DOCK10: variants seen among roughly 807,000 people sequenced by gnomAD.
DOCK10 encodes dedicator of cytokinesis 10, also known as dedicator of cytokinesis protein 10.
A neutral mutation model predicts 280.1 loss-of-function variants in DOCK10; 145 were observed. The ratio of observed to expected loss-of-function variants is 0.52; its 90% CI spans 0.45 to 0.59. The LOEUF is 0.59. DOCK10 is among the 20% of genes least tolerant of loss of function. DOCK10 has a pLI of 0.00. For missense variants in DOCK10, 2,368 were observed against 2,651.7 expected, an observed-to-expected ratio of 0.89 and a Z score of 2.35; for synonymous variants, 915 against 942.2, an observed-to-expected ratio of 0.97 and a Z score of 0.53.
chr2:224,931,135 A>G (rs4674950), intron 2 of DOCK10, among the ~76,000 whole-genome samples: 1,581 of 152,274 alleles, frequency 0.01, 32 homozygotes, highest in African/African-American at 0.036. Flanking sequence ...ATTAAGGGTG[A>G]TTTTTAAGAA....
intron 15 of DOCK10, 22 bp from the exon 16 acceptor site, chr2:224,855,064 GACACACACACACACACACACACACAC>G: frequency 1.7e-6 from 1 of 574,246 alleles, no homozygotes; most frequent in Non-Finnish European, 3.0e-6. Flanking sequence ...CATGAGCAAG[GACACACACACACACACACACACACAC>G]ACACACACAC....
In DOCK10 at chr2:224,770,586, C is replaced by T. The variant is rs753694327; in HGVS notation, c.6264G>A (p.Lys2088=). The change falls in exon 54 of 56, where the codon AAG becomes AAA. Residue 2088 remains lysine, a synonymous_variant. Coordinates refer to ENST00000258390, the MANE Select transcript of DOCK10 (RefSeq NM_014689.3). This position sits in a 1 kb window ranked among gnomAD's most constrained non-coding sequence, Gnocchi z 4.5. ...AAAGCTTTACTTGGTTGTCAGGGTA[C>T]TTCTTTGCATTGGTTTCTTCAAGAA... ...RAFLEETNAK[K]YPDNQVKLLK... The T allele has an allele frequency of 7.4e-6, 12 of 1,614,010 alleles. No individual in the cohort carries two copies. The highest frequency in any genetic ancestry group is 8.5e-6 in the Non-Finnish European group (10 of 1,179,864).
rs933036714 is a variant in DOCK10, at chr2:224,801,782, G to C, written c.4393+134C>G. ...CATTTTTTTTTAACCACTCCCTGGT[G>C]AGTCTTTCCCTTAAGAAATATTCCC... On this transcript the variant is annotated intron_variant, in intron 40 of 55. Coordinates refer to ENST00000258390, the MANE Select transcript of DOCK10 (RefSeq NM_014689.3). 5 of 973,620 alleles carry C rather than the reference G, an allele frequency of 5.1e-6. No homozygotes were observed. The Admixed American group carries it at 1.2e-4, about 23-fold the overall frequency. 60.3% of individuals were successfully genotyped at this position (973,620 alleles called of 1,614,324 possible).
chr2:224,820,583 G>T (rs1694444911), intron 28 of DOCK10, among the ~76,000 whole-genome samples: 1 of 152,158 alleles, frequency 6.6e-6, no homozygotes, highest in African/African-American at 2.4e-5. Context: ...CATTAAAATG[G>T]TTTTGCATTT....
chr2:224,775,927 G>A (rs1690825004), intron 51 of DOCK10, among the ~76,000 whole-genome samples: 1 of 152,202 alleles, frequency 6.6e-6, no homozygotes, highest in African/African-American at 2.4e-5. Context: ...TAGCAGATTA[G>A]CTGATAAGCC....
At chr2:224,897,373 A>T (rs1389507613) in intron 3 of DOCK10, among the ~76,000 whole-genome samples, 1 of 152,196 alleles carries the variant, frequency 6.6e-6, no homozygotes, top group Non-Finnish European at 1.5e-5. Context: ...TGGGGTGTCC[A>T]TCCCCTCAAG....
At chr2:225,000,099 A>G (rs1246009445) in intron 1 of DOCK10, among the ~76,000 whole-genome samples, 2 of 152,200 alleles carry the variant, frequency 1.3e-5, no homozygotes, top group African/African-American at 2.4e-5. Flanking sequence ...ATGCAAAAAT[A>G]TAGCTGGCCC....
intron 1 of DOCK10, 23 bp from the exon 2 acceptor site, chr2:224,931,691 A>G (rs1323205166): frequency 6.4e-7 from 1 of 1,567,062 alleles, no homozygotes; most frequent in East Asian, 2.3e-5. Flanking sequence ...AAAATATGGT[A>G]TTAATCACTG....
chr2:224,843,322 G>T (rs141536188), intron 22 of DOCK10, among the ~76,000 whole-genome samples: 1 of 152,332 alleles, frequency 6.6e-6, no homozygotes, highest in East Asian at 1.9e-4. Flanking sequence ...TCGAGGTAGA[G>T]AGAGGGTGTG....
intron 14 of DOCK10, among the ~76,000 whole-genome samples, chr2:224,860,313 CA>C (rs955716810): frequency 6.6e-6 from 1 of 152,062 alleles, no homozygotes; most frequent in Non-Finnish European, 1.5e-5. Context: ...TTCACTGCCC[CA>C]AATTTATCAG....
At chr2:224,823,723 T>C in intron 27 of DOCK10, 76 bp from the exon 28 acceptor site, 8 of 1,352,056 alleles carry the variant, frequency 5.9e-6, no homozygotes, top group Non-Finnish European at 6.9e-6. Flanking sequence ...ACTGAAATAT[T>C]TACTTTATTT....
At chr2:224,945,514 G>T (rs1006328795) in intron 1 of DOCK10, among the ~76,000 whole-genome samples, 1 of 151,980 alleles carries the variant, frequency 6.6e-6, no homozygotes, top group Non-Finnish European at 1.5e-5. Context: ...GATAGAAACT[G>T]AACAAACAAC....
chr2:224,807,838 T>C (rs1693502667), intron 32 of DOCK10, 54 bp from the exon 33 acceptor site: 1 of 1,576,606 alleles, frequency 6.3e-7, no homozygotes, highest in Non-Finnish European at 8.6e-7. Flanking sequence ...AATAGGCTTG[T>C]CGGTTTCATA....
intron 1 of DOCK10, among the ~76,000 whole-genome samples, chr2:225,033,711 C>T (rs774705897): frequency 2.7e-4 from 41 of 152,122 alleles, no homozygotes; most frequent in South Asian, 6.2e-4. Context: ...AAGAAGCAAA[C>T]AAGTCTCACT....
At chr2:224,833,909 C>T (rs1427513752) in intron 26 of DOCK10, among the ~76,000 whole-genome samples, 1 of 152,178 alleles carries the variant, frequency 6.6e-6, no homozygotes, top group Non-Finnish European at 1.5e-5. Flanking sequence ...ATCTCAGCCT[C>T]CTAAAATGCT....
intron 1 of DOCK10, among the ~76,000 whole-genome samples, chr2:224,956,096 G>A (rs1349698494): frequency 6.6e-6 from 1 of 152,226 alleles, no homozygotes; most frequent in Non-Finnish European, 1.5e-5. Context: ...TGAAAACAAA[G>A]GAGAACATTG....
chr2:224,907,261 A>G (rs1305700023), intron 3 of DOCK10, among the ~76,000 whole-genome samples: 1 of 152,202 alleles, frequency 6.6e-6, no homozygotes, highest in Non-Finnish European at 1.5e-5. Flanking sequence ...GAGTAACATT[A>G]TTTATACTTA....
At chr2:224,796,287 GCAGT>G in intron 44 of DOCK10, 25 bp downstream of exon 44, 1 of 1,345,150 alleles carries the variant, frequency 7.4e-7, no homozygotes, top group South Asian at 1.3e-5. Context: ...AAAAAATTCT[GCAGT>G]AAAAGCCCAC....
chr2:224,810,175 C>T (rs1693665613), intron 31 of DOCK10, among the ~76,000 whole-genome samples: 1 of 152,024 alleles, frequency 6.6e-6, no homozygotes, highest in African/African-American at 2.4e-5. Flanking sequence ...GTACGATGTA[C>T]ATTATTTGGA....
Sources: gnomAD v4.1 joint callset for allele counts (sites outside exome capture counted in the v4.1 genomes callset) on GRCh38, gnomAD v4.1.1 for gene constraint, Gnocchi (gnomAD v3.1) non-coding constraint, MANE v1.5 for transcripts, NCBI Gene and HGNC (gene_info 2026-07-23, HGNC 2026-07-21) for gene names.